The following CLNS1A variants were observed in gnomAD, a reference collection of about 807,000 sequenced individuals.
CLNS1A encodes the protein chloride nucleotide-sensitive channel 1A.
CLNS1A carries 16 observed loss-of-function variants against 29.4 expected under a neutral mutation model. That is an observed-to-expected ratio of 0.54 (90% CI 0.37 to 0.83). The LOEUF is 0.83. CLNS1A is among the 40% of genes least tolerant of loss of function. CLNS1A has a pLI of 0.00. For synonymous variants in CLNS1A, 96 were observed against 104.8 expected, an observed-to-expected ratio of 0.92 and a Z score of 0.51; for missense variants, 235 against 287.4, an observed-to-expected ratio of 0.82 and a Z score of 1.32.
At chr11:77,636,040 T>C (rs1319999907) in intron 1 of CLNS1A, among the ~76,000 whole-genome samples, 1 of 152,154 alleles carries the variant, frequency 6.6e-6, no homozygotes, top group Non-Finnish European at 1.5e-5. Flanking sequence ...CTCTCTTTAA[T>C]ACCACTTTCC....
At chr11:77,629,497 C>A (rs1016529438) in intron 2 of CLNS1A, among the ~76,000 whole-genome samples, 3 of 151,786 alleles carry the variant, frequency 2.0e-5, no homozygotes, top group African/African-American at 7.3e-5. Context: ...AGGTTCACAC[C>A]ATTCTCCTGC....
intron 1 of CLNS1A, among the ~76,000 whole-genome samples, chr11:77,632,895 CT>C (rs1477771689): frequency 3.3e-5 from 5 of 151,896 alleles, no homozygotes; most frequent in Admixed American, 1.3e-4. Flanking sequence ...CCAGACCAGA[CT>C]ACCAACATGG....
At chr11:77,631,654 T>A (rs527891362) in intron 1 of CLNS1A, among the ~76,000 whole-genome samples, 11 of 151,630 alleles carry the variant, frequency 7.3e-5, no homozygotes, top group African/African-American at 2.7e-4. Context: ...AGTAAGAATA[T>A]ATGCACTGTC....
chr11:77,634,638 C>T (rs1044067576), intron 1 of CLNS1A, among the ~76,000 whole-genome samples: 7 of 149,358 alleles, frequency 4.7e-5, no homozygotes, highest in Non-Finnish European at 8.9e-5. Context: ...GCAGGAGAAT[C>T]GCTTAAACCC....
At chr11:77,626,551 A>C (rs1345181823) in intron 2 of CLNS1A, among the ~76,000 whole-genome samples, 1 of 151,836 alleles carries the variant, frequency 6.6e-6, no homozygotes, top group Non-Finnish European at 1.5e-5. Flanking sequence ...AGGCAGGAGA[A>C]TCATTTGAAC....
intron 2 of CLNS1A, among the ~76,000 whole-genome samples, chr11:77,626,047 C>T (rs923988403): frequency 9.2e-5 from 14 of 152,210 alleles, no homozygotes; most frequent in Admixed American, 5.9e-4. Context: ...GCTCCCTCCG[C>T]GCCTCACCGG....
intron 1 of CLNS1A, among the ~76,000 whole-genome samples, chr11:77,635,139 A>ATT (rs1304906254): frequency 1.3e-5 from 2 of 152,224 alleles, no homozygotes; most frequent in African/African-American, 4.8e-5. Flanking sequence ...GAACTTAAAA[A>ATT]GAGTTATACT....
chr11:77,627,937 T>C (rs1241273053), intron 2 of CLNS1A, among the ~76,000 whole-genome samples: 1 of 152,168 alleles, frequency 6.6e-6, no homozygotes, highest in Non-Finnish European at 1.5e-5. Context: ...GTGATTCTCA[T>C]GTCTCAGCCT....
chr11:77,637,207 C>A (rs531941811), intron 1 of CLNS1A, among the ~76,000 whole-genome samples: 2 of 125,558 alleles, frequency 1.6e-5, no homozygotes, highest in African/African-American at 6.3e-5. Flanking sequence ...GCGTTAAGGG[C>A]AACGCACGCG....
chr11:77,625,221 C>G (rs1157605005), intron 3 of CLNS1A, 151 bp from the exon 4 acceptor site: 4 of 611,600 alleles, frequency 6.5e-6, no homozygotes, highest in Non-Finnish European at 8.8e-6. Context: ...AAGCAAAAGA[C>G]AAGTCATAAA....
chr11:77,629,691 G>T (rs1959055548), intron 2 of CLNS1A, 72 bp downstream of exon 2: 2 of 1,492,936 alleles, frequency 1.3e-6, no homozygotes, highest in African/African-American at 2.8e-5. Context: ...ACCGTGCCCG[G>T]CCTCAAAGAC....
chr11:77,621,816 T>TG, intron 5 of CLNS1A: 1 of 378,576 alleles, frequency 2.6e-6, no homozygotes, highest in South Asian at 2.0e-5. Context: ...CTGCATAGTG[T>TG]GGTGGGTCTC....
At chr11:77,633,452 TTTAA>T (rs1418259597) in intron 1 of CLNS1A, among the ~76,000 whole-genome samples, 2 of 152,208 alleles carry the variant, frequency 1.3e-5, no homozygotes, top group African/African-American at 4.8e-5. Flanking sequence ...TTCTAAAACA[TTTAA>T]TTAATCATAC....
Position 77,630,938 on chromosome 11 carries a change from T to C in CLNS1A, c.126-1039A>G, listed in dbSNP as rs368624762. Among the ~76,000 whole-genome samples the C allele has an allele frequency of 1.3e-4, 20 of 152,310 alleles. No individual in the cohort carries two copies. The South Asian group carries it at 3.9e-3, about 30-fold the overall frequency. ...ACAATTCTGTAAACAGACTAAAAACTAGTGAATTGTATGTTTAAATGGTTA... is the reference window on the plus strand; with the variant it reads ...ACAATTCTGTAAACAGACTAAAAACCAGTGAATTGTATGTTTAAATGGTTA... On this transcript the variant is annotated intron_variant, in intron 1 of 6. Transcript: ENST00000525428.
chr11:77,617,703 A>G (rs1329875263), intron 6 of CLNS1A, among the ~76,000 whole-genome samples: 1 of 151,956 alleles, frequency 6.6e-6, no homozygotes, highest in Non-Finnish European at 1.5e-5. Flanking sequence ...GCGGATCACG[A>G]GGTCAAAAGA....
At chr11:77,629,920 A>C in intron 1 of CLNS1A, 21 bp from the exon 2 acceptor site, 1 of 1,612,518 alleles carries the variant, frequency 6.2e-7, no homozygotes, top group Non-Finnish European at 8.5e-7. Flanking sequence ...TGTTTTAAGT[A>C]GATTATTTTT....
chr11:77,622,610 G>A lies in CLNS1A; in HGVS notation c.536C>T (p.Ala179Val). ...TCTCTCCAGTGTGGCTTGGCCTTCT[G>A]CTGTTAGATGGGATAATCCTTCTTC... The part of the protein sequence containing the change: ...TYEEGLSHLT[A>V]EGQATLERLE... Residue 179 changes from alanine to valine, a missense_variant, in exon 5 of 7, where the codon GCA (alanine) becomes GTA (valine). Ala to Val is a moderately conservative substitution (Grantham distance 64). Transcript: ENST00000525428. 6.2e-7 allele frequency: 1 copy of A among 1,613,640 alleles called. No homozygotes were observed. The highest frequency in any genetic ancestry group is 8.5e-7 in the Non-Finnish European group (1 of 1,179,728).
chr11:77,635,014 A>G (rs1341362803), intron 1 of CLNS1A, among the ~76,000 whole-genome samples: 1 of 152,184 alleles, frequency 6.6e-6, no homozygotes, highest in Non-Finnish European at 1.5e-5. Flanking sequence ...CATGTTGTCC[A>G]GGCTGGTCAA....
intron 5 of CLNS1A, among the ~76,000 whole-genome samples, chr11:77,619,960 G>A (rs1325006561): frequency 2.6e-5 from 4 of 152,186 alleles, no homozygotes. Context: ...TTCAAATGCA[G>A]TATCAATTGT....
Sources: gnomAD v4.1 joint callset for allele counts (sites outside exome capture counted in the v4.1 genomes callset) on GRCh38, gnomAD v4.1.1 for gene constraint, MANE v1.5 for transcripts, NCBI Gene and HGNC (gene_info 2026-07-23, HGNC 2026-07-21) for gene names.